SPAG16: variants seen among roughly 807,000 people sequenced by gnomAD.
The protein encoded by SPAG16 is sperm associated antigen 16.
Under a neutral mutation model 80.4 loss-of-function variants are expected in SPAG16, and 86 were observed. The observed-to-expected ratio is 1.07, with a 90% CI of 0.90 to 1.28. The LOEUF (loss-of-function observed/expected upper bound fraction) is 1.28. SPAG16 is among the 50% of genes most tolerant of loss of function. SPAG16 has a pLI of 0.00. For missense variants in SPAG16, 870 were observed against 765.3 expected, an observed-to-expected ratio of 1.14 and a Z score of -1.61; for synonymous variants, 294 against 265.9, an observed-to-expected ratio of 1.11 and a Z score of -1.03.
intron 15 of SPAG16, among the ~76,000 whole-genome samples, chr2:214,206,889 T>C (rs1002493187): frequency 2.6e-5 from 4 of 152,186 alleles, no homozygotes; most frequent in African/African-American, 7.2e-5. Flanking sequence ...TGGTTAGTGA[T>C]GTTGAACATT....
chr2:214,395,225 G>T (rs924836004), intron 15 of SPAG16, among the ~76,000 whole-genome samples: 1 of 152,144 alleles, frequency 6.6e-6, no homozygotes, highest in African/African-American at 2.4e-5. Flanking sequence ...TAAATACAAA[G>T]GAACACTATT....
chr2:214,409,959 G>A (rs960640097), intron 15 of SPAG16, among the ~76,000 whole-genome samples, 181 bp from the exon 16 acceptor site: 7 of 152,234 alleles, frequency 4.6e-5, no homozygotes, highest in East Asian at 1.9e-4. Flanking sequence ...AATTATTGAT[G>A]TGTCTTAATT....
intron 15 of SPAG16, among the ~76,000 whole-genome samples, chr2:214,333,860 T>C (rs142772704): frequency 6.6e-6 from 1 of 152,216 alleles, no homozygotes. Flanking sequence ...TTATAAATTC[T>C]AAATCTCCAG....
chr2:213,555,670 C>A (rs2059403193), intron 10 of SPAG16, among the ~76,000 whole-genome samples: 1 of 152,108 alleles, frequency 6.6e-6, no homozygotes, highest in Non-Finnish European at 1.5e-5. Flanking sequence ...ATGAATAAAA[C>A]CTGAGGGAGT....
chr2:213,534,820 C>T (rs1039496177), intron 10 of SPAG16, among the ~76,000 whole-genome samples: 3 of 152,060 alleles, frequency 2.0e-5, no homozygotes, highest in Non-Finnish European at 4.4e-5. Context: ...CCCCAAAATT[C>T]ATATGTTGAC....
chr2:213,497,900 T>C (rs749305613), intron 10 of SPAG16, among the ~76,000 whole-genome samples: 1 of 152,094 alleles, frequency 6.6e-6, no homozygotes, highest in Non-Finnish European at 1.5e-5. Context: ...CCAATAAATA[T>C]AGAAAGCATC....
chr2:214,323,548 A>G (rs755931005), intron 15 of SPAG16, among the ~76,000 whole-genome samples: 2 of 152,170 alleles, frequency 1.3e-5, no homozygotes, highest in Non-Finnish European at 2.9e-5. Context: ...AGTGTATTAA[A>G]TCAAGGATTT....
At chr2:214,056,444 G>T (rs1281350589) in intron 13 of SPAG16, among the ~76,000 whole-genome samples, 2 of 151,584 alleles carry the variant, frequency 1.3e-5, no homozygotes, top group African/African-American at 4.9e-5. Flanking sequence ...CCATATAAAA[G>T]TTATGATACT....
At chr2:214,021,554 C>T (rs1277830703) in intron 13 of SPAG16, among the ~76,000 whole-genome samples, 1 of 152,056 alleles carries the variant, frequency 6.6e-6, no homozygotes, top group Non-Finnish European at 1.5e-5. Context: ...CCATTGGTTC[C>T]CTGCCACAAC....
chr2:213,573,058 C>T (rs965513886), intron 10 of SPAG16, among the ~76,000 whole-genome samples: 8 of 152,288 alleles, frequency 5.3e-5, no homozygotes, highest in South Asian at 2.1e-4. Context: ...TGACCCCTCG[C>T]GCTTCCCAGG....
chr2:213,821,726 G>T (rs947731011), intron 10 of SPAG16, among the ~76,000 whole-genome samples: 4 of 151,948 alleles, frequency 2.6e-5, no homozygotes, highest in African/African-American at 7.3e-5. Context: ...CTAGCATCTG[G>T]TAACCATTTT....
At chr2:214,062,020 C>CACAGACAT (rs1553706944) in intron 13 of SPAG16, among the ~76,000 whole-genome samples, 2 of 146,562 alleles carry the variant, frequency 1.4e-5, no homozygotes, top group African/African-American at 5.0e-5. Flanking sequence ...CACACACACA[C>CACAGACAT]GCAGTGTGTA....
chr2:213,596,674 G>A (rs1178424049), intron 10 of SPAG16, among the ~76,000 whole-genome samples: 1 of 152,122 alleles, frequency 6.6e-6, no homozygotes, highest in Non-Finnish European at 1.5e-5. Flanking sequence ...ATCCTAGTGG[G>A]TTGTTTGGTA....
chr2:213,529,047 A>C (rs536290219), intron 10 of SPAG16, among the ~76,000 whole-genome samples: 3 of 152,324 alleles, frequency 2.0e-5, no homozygotes, highest in South Asian at 2.1e-4. Flanking sequence ...TGAGCTTCAG[A>C]TACTCAGGCT....
intron 10 of SPAG16, among the ~76,000 whole-genome samples, chr2:213,666,534 A>G (rs535310301): frequency 1.6e-4 from 24 of 152,276 alleles, no homozygotes; most frequent in Middle Eastern, 3.4e-3. Context: ...CAGTGTCCCA[A>G]TCAGGGATCT....
At chr2:213,840,564 C>G (rs556513347) in intron 10 of SPAG16, among the ~76,000 whole-genome samples, 1 of 152,278 alleles carries the variant, frequency 6.6e-6, no homozygotes, top group East Asian at 1.9e-4. Context: ...AAAATCCTTT[C>G]AAGGTAGAGT....
chr2:214,124,591 C>T (rs1008977850), intron 14 of SPAG16, among the ~76,000 whole-genome samples: 1 of 151,824 alleles, frequency 6.6e-6, no homozygotes, highest in Non-Finnish European at 1.5e-5. Context: ...AATTGTCACA[C>T]CAATTTACTC....
intron 12 of SPAG16, among the ~76,000 whole-genome samples, chr2:213,956,048 C>T (rs113218296): frequency 0.065 from 9,890 of 152,028 alleles, 556 homozygotes; most frequent in African/African-American, 0.15. Flanking sequence ...ATCTCCGCCT[C>T]CCAGGTTCAA....
intron 12 of SPAG16, among the ~76,000 whole-genome samples, chr2:213,959,970 T>C (rs922456561): frequency 3.2e-4 from 49 of 152,362 alleles, no homozygotes; most frequent in African/African-American, 1.1e-3. Flanking sequence ...TTTCTTTAAA[T>C]ATCTCTCTTA....
Sources: gnomAD v4.1 joint callset for allele counts (sites outside exome capture counted in the v4.1 genomes callset) on GRCh38, gnomAD v4.1.1 for gene constraint, MANE v1.5 for transcripts, NCBI Gene and HGNC (gene_info 2026-07-23, HGNC 2026-07-21) for gene names.